The following SLC71A2 variants were observed in gnomAD, a reference collection of about 807,000 sequenced individuals.
SLC71A2 encodes the protein solute carrier family 71 member 2.
chr9:94,433,143 T>C, the SLC71A2 span: 2 of 283,500 alleles, frequency 7.1e-6, no homozygotes, highest in South Asian at 7.0e-5. Context: ...ACTGAGCAGC[T>C]TGCCGTGCAG....
chr9:94,406,037 T>C, the SLC71A2 span, among the ~76,000 whole-genome samples: 1 of 150,490 alleles, frequency 6.6e-6, no homozygotes, highest in Non-Finnish European at 1.5e-5. Context: ...CCTAAGTATC[T>C]TATTCTTTAT....
the SLC71A2 span, among the ~76,000 whole-genome samples, chr9:94,453,755 A>G: frequency 2.0e-5 from 3 of 152,188 alleles, no homozygotes; most frequent in Non-Finnish European, 4.4e-5. Context: ...GGCTGAAAGC[A>G]TTGAGCCCCA....
chr9:94,384,728 C>G, the SLC71A2 span, among the ~76,000 whole-genome samples: 1 of 152,054 alleles, frequency 6.6e-6, no homozygotes, highest in Non-Finnish European at 1.5e-5. Flanking sequence ...GATATTAACT[C>G]CCTGCTATGG....
At chr9:94,417,864 C>A in the SLC71A2 span, among the ~76,000 whole-genome samples, 22 of 16,492 alleles carry the variant, frequency 1.3e-3, no homozygotes, top group South Asian at 5.3e-3. Context: ...CCCCACCCCC[C>A]CCCCCCCCCC....
the SLC71A2 span, chr9:94,451,394 T>A: frequency 6.0e-6 from 5 of 826,720 alleles, no homozygotes; most frequent in Admixed American, 1.7e-4. Context: ...TAATAGAACA[T>A]AATATTTCTT....
chr9:94,459,486 A>G, the SLC71A2 span: 2 of 1,521,926 alleles, frequency 1.3e-6, no homozygotes, highest in Admixed American at 1.8e-5. Flanking sequence ...TGGTGACTTC[A>G]TGGTGCTGGA....
chr9:94,402,325 TTCTC>T, the SLC71A2 span, among the ~76,000 whole-genome samples: 5 of 152,226 alleles, frequency 3.3e-5, no homozygotes, highest in African/African-American at 1.2e-4. Flanking sequence ...CTGCTCTCTT[TTCTC>T]TCTATTGCAT....
At chr9:94,447,626 G>A in the SLC71A2 span, among the ~76,000 whole-genome samples, 4,782 of 151,940 alleles carry the variant, frequency 0.031, 92 homozygotes, top group South Asian at 0.049. Flanking sequence ...CATCTCCCAC[G>A]AGGGTGGGAA....
chr9:94,376,518 C>T, the SLC71A2 span, among the ~76,000 whole-genome samples: 2 of 151,306 alleles, frequency 1.3e-5, no homozygotes, highest in African/African-American at 2.4e-5. Flanking sequence ...CTCCTTATGG[C>T]TTACAGAATA....
chr9:94,398,108 T>C, the SLC71A2 span, among the ~76,000 whole-genome samples: 3 of 151,806 alleles, frequency 2.0e-5, no homozygotes, highest in Middle Eastern at 3.2e-3. Flanking sequence ...TATGAACTCA[T>C]AGATATTTAT....
the SLC71A2 span, among the ~76,000 whole-genome samples, chr9:94,400,311 C>G: frequency 1.3e-5 from 2 of 151,878 alleles, no homozygotes; most frequent in East Asian, 3.9e-4. Flanking sequence ...TGTCTGGGGT[C>G]TCATTGTCAA....
At chr9:94,392,971 A>T in the SLC71A2 span, among the ~76,000 whole-genome samples, 29,869 of 151,786 alleles carry the variant, frequency 0.2, 2,961 homozygotes, top group Middle Eastern at 0.28. Context: ...CTAGTGATTA[A>T]TTCTCTTACT....
the SLC71A2 span, among the ~76,000 whole-genome samples, chr9:94,397,071 C>CT: frequency 6.6e-6 from 1 of 152,164 alleles, no homozygotes; most frequent in Admixed American, 6.6e-5. Context: ...TGCCCGGCCT[C>CT]TAACATTTAA....
chr9:94,429,075 T>C, the SLC71A2 span: 11 of 1,441,820 alleles, frequency 7.6e-6, no homozygotes, highest in Admixed American at 2.8e-5. Flanking sequence ...TTTGTTGATA[T>C]TTTATAATTT....
chr9:94,458,171 AG>A, the SLC71A2 span: 1 of 575,086 alleles, frequency 1.7e-6, no homozygotes, highest in Admixed American at 3.8e-5. Context: ...TAATGGATAA[AG>A]TCTTCCTAAT....
chr9:94,459,086 G>T, the SLC71A2 span: 1,108 of 1,446,496 alleles, frequency 7.7e-4, 1 homozygote, highest in Non-Finnish European at 9.1e-4. Flanking sequence ...TGTTTTTTTT[G>T]GGTAATCTAG....
the SLC71A2 span, among the ~76,000 whole-genome samples, chr9:94,442,643 G>C: frequency 6.6e-6 from 1 of 151,984 alleles, no homozygotes; most frequent in Non-Finnish European, 1.5e-5. Context: ...ATGAGGTCAA[G>C]AAATCGAGAC....
the SLC71A2 span, among the ~76,000 whole-genome samples, chr9:94,400,347 G>GT: frequency 6.6e-6 from 1 of 151,878 alleles, no homozygotes; most frequent in Non-Finnish European, 1.5e-5. Flanking sequence ...GTTTCAGTCC[G>GT]TTGCCTGAGG....
the SLC71A2 span, among the ~76,000 whole-genome samples, chr9:94,441,967 G>T: frequency 6.6e-6 from 1 of 152,206 alleles, no homozygotes; most frequent in South Asian, 2.1e-4. Context: ...TGTTTCAGGG[G>T]AAAAGATAGC....
Sources: allele counts gnomAD v4.1 joint callset (sites outside exome capture counted in the v4.1 genomes callset), GRCh38; gene constraint gnomAD v4.1.1; transcripts MANE v1.5; gene names NCBI Gene and HGNC (gene_info 2026-07-23, HGNC 2026-07-21).